YWHAB: variants seen among roughly 807,000 people sequenced by gnomAD.
YWHAB encodes the protein 14-3-3 protein beta/alpha.
In YWHAB, 2 loss-of-function variants were observed where a neutral mutation model predicts 28.5. The ratio of observed to expected loss-of-function variants is 0.07; its 90% CI spans 0.03 to 0.22. The LOEUF (loss-of-function observed/expected upper bound fraction) is 0.22, where lower values mean the gene tolerates loss of function less well. YWHAB is among the 10% of genes least tolerant of loss of function. YWHAB has a pLI of 1.00. For synonymous variants in YWHAB, 103 were observed against 104.7 expected, an observed-to-expected ratio of 0.98 and a Z score of 0.10; for missense variants, 148 against 297.1, an observed-to-expected ratio of 0.50 and a Z score of 3.69.
At chr20:44,896,690 A>G (rs1244455084) in intron 1 of YWHAB, among the ~76,000 whole-genome samples, 1 of 152,254 alleles carries the variant, frequency 6.6e-6, no homozygotes, top group East Asian at 1.9e-4. Context: ...GACTGAAAGC[A>G]TTGCCACTAG....
At chr20:44,905,925 A>C in intron 4 of YWHAB, 76 bp from the exon 5 acceptor site, 3 of 1,101,944 alleles carry the variant, frequency 2.7e-6, no homozygotes, top group Non-Finnish European at 4.1e-6. Context: ...AGTTATATTC[A>C]CCTAGCGGGA....
intron 1 of YWHAB, among the ~76,000 whole-genome samples, chr20:44,893,206 T>G (rs982308988): frequency 6.6e-6 from 1 of 152,132 alleles, no homozygotes; most frequent in African/African-American, 2.4e-5. Flanking sequence ...AGATGTCCCT[T>G]GGGGAAGGAA....
At chr20:44,890,335 AC>A (rs1224753267) in intron 1 of YWHAB, among the ~76,000 whole-genome samples, 8 of 152,166 alleles carry the variant, frequency 5.3e-5, no homozygotes, top group Non-Finnish European at 1.0e-4. Context: ...GACAATAAAA[AC>A]AGTCTGTATT....
At chr20:44,897,342 T>A (rs1290188427) in intron 1 of YWHAB, among the ~76,000 whole-genome samples, 1 of 152,202 alleles carries the variant, frequency 6.6e-6, no homozygotes, top group Non-Finnish European at 1.5e-5. Flanking sequence ...TTTGGAGTAA[T>A]CCACAGGTAG....
intron 4 of YWHAB, 94 bp from the exon 5 acceptor site, chr20:44,905,907 A>T: frequency 1.1e-6 from 1 of 911,130 alleles, no homozygotes; most frequent in Non-Finnish European, 1.8e-6. Flanking sequence ...GTACTGTACA[A>T]GAAGATAAGT....
intron 1 of YWHAB, among the ~76,000 whole-genome samples, chr20:44,900,661 A>T (rs2066620974): frequency 6.6e-6 from 1 of 152,238 alleles, no homozygotes; most frequent in South Asian, 2.1e-4. Context: ...TCAAAACCAG[A>T]GTTGCTTACA....
chr20:44,893,382 A>G (rs185882011), intron 1 of YWHAB, among the ~76,000 whole-genome samples: 1 of 152,176 alleles, frequency 6.6e-6, no homozygotes, highest in African/African-American at 2.4e-5. Context: ...ACAGAAAAAC[A>G]CTTTTTTTCT....
intron 2 of YWHAB, 134 bp downstream of exon 2, chr20:44,901,967 C>G: frequency 9.9e-7 from 1 of 1,010,914 alleles, no homozygotes; most frequent in East Asian, 2.7e-5. Flanking sequence ...GTATTTACAA[C>G]TAATTTTTAA....
In YWHAB at chr20:44,908,097, C is replaced by G. The variant is rs895541334; in HGVS notation, c.*1659C>G. The G allele has an allele frequency of 6.6e-6, 1 of 151,784 alleles. No individual in the cohort carries two copies. Among genetic ancestry groups the G allele is most frequent in the Non-Finnish European group, 1.5e-5 (1 of 67,998 alleles). 9.4% of individuals were successfully genotyped at this position (151,784 alleles called of 1,614,324 possible). A position where few individuals can be genotyped will look rare whatever the true frequency, so the allele number is the denominator to read the frequency against. ...TATTCCACTTAGCTGTAGAGTCCATCTGTTTGTCCATCTGCTGAAATGAGA... is the reference window on the plus strand; with the variant it reads ...TATTCCACTTAGCTGTAGAGTCCATGTGTTTGTCCATCTGCTGAAATGAGA... On this transcript the variant is annotated 3_prime_UTR_variant, in exon 6 of 6. Transcript: ENST00000353703.
intron 1 of YWHAB, chr20:44,887,808 C>T (rs560774132): frequency 3.0e-4 from 45 of 152,334 alleles, no homozygotes; most frequent in African/African-American, 1.0e-3. Context: ...ATGTTAATCT[C>T]TGGTTCTTGG....
At chr20:44,892,607 GATT>G (rs1210159827) in intron 1 of YWHAB, among the ~76,000 whole-genome samples, 1 of 152,010 alleles carries the variant, frequency 6.6e-6, no homozygotes, top group Non-Finnish European at 1.5e-5. Flanking sequence ...ACACACATTG[GATT>G]ATATGTGTTA....
intron 1 of YWHAB, among the ~76,000 whole-genome samples, chr20:44,888,995 G>A (rs931453906): frequency 6.6e-6 from 1 of 152,076 alleles, no homozygotes; most frequent in African/African-American, 2.4e-5. Context: ...CTGCTCTTTC[G>A]GTGTCAACAA....
chr20:44,905,023 A>G lies in YWHAB; in HGVS notation c.480A>G (p.Lys160=). ...AGGAAGCATTTGAAATTAGTAAGAAAGAAATGCAGCCTACACACCCAATTC... is the reference window on the plus strand; with the variant it reads ...AGGAAGCATTTGAAATTAGTAAGAAGGAAATGCAGCCTACACACCCAATTC... The part of the protein sequence containing the change: ...AYQEAFEISK[K]EMQPTHPIRL... The change falls in exon 4 of 6, where the codon AAA becomes AAG. Residue 160 remains lysine, a synonymous_variant. Transcript: ENST00000353703. The G allele has an allele frequency of 6.2e-7, 1 of 1,612,490 alleles. No homozygotes were observed. Among genetic ancestry groups the G allele is most frequent in the Non-Finnish European group, 8.5e-7 (1 of 1,178,774 alleles).
rs141268199 is a variant in YWHAB at position 44,904,025 on chromosome 20, T to C, written c.333T>C (p.Ala111=). 68 of 1,600,932 alleles carry C rather than the reference T, an allele frequency of 4.2e-5. No individual in the cohort carries two copies. Among genetic ancestry groups the C allele is most frequent in the Middle Eastern group, 1.7e-4 (1 of 6,030 alleles). The stretch of plus-strand genomic sequence containing the variant: ...TGGACAAATATCTTATTCCCAATGC[T>C]ACACAACCAGAAAGTAAGGTGTTCT... ...ELLDKYLIPN[A]TQPESKVFYL... Residue 111 remains alanine (A), a synonymous_variant, in exon 3 of 6, where the codon GCT becomes GCC. Coordinates refer to ENST00000353703, the MANE Select transcript of YWHAB (RefSeq NM_139323.4).
intron 1 of YWHAB, among the ~76,000 whole-genome samples, chr20:44,890,230 A>G (rs2066552296): frequency 6.6e-6 from 1 of 152,240 alleles, no homozygotes; most frequent in South Asian, 2.1e-4. Flanking sequence ...GTTTGAATCT[A>G]TAAATACAAT....
intron 1 of YWHAB, among the ~76,000 whole-genome samples, chr20:44,892,892 G>A (rs1299813841): frequency 6.6e-6 from 1 of 152,134 alleles, no homozygotes; most frequent in Non-Finnish European, 1.5e-5. Context: ...GGTAATTCCT[G>A]ACATATAATA....
chr20:44,897,511 G>T (rs2145532055), intron 1 of YWHAB, among the ~76,000 whole-genome samples: 1 of 152,288 alleles, frequency 6.6e-6, no homozygotes, highest in Non-Finnish European at 1.5e-5. Flanking sequence ...ATGAAGTAGG[G>T]TTATTTAATG....
At chr20:44,901,304 C>T (rs550005074) in intron 1 of YWHAB, among the ~76,000 whole-genome samples, 3 of 152,276 alleles carry the variant, frequency 2.0e-5, no homozygotes, top group African/African-American at 7.2e-5. Context: ...CATACCTACT[C>T]TGGGACTGTT....
chr20:44,891,036 T>G (rs1161222589), intron 1 of YWHAB, among the ~76,000 whole-genome samples: 1 of 152,236 alleles, frequency 6.6e-6, no homozygotes, highest in Non-Finnish European at 1.5e-5. Flanking sequence ...TGGAATGTAC[T>G]GTGGTTGCCA....
Sources: allele counts gnomAD v4.1 joint callset (sites outside exome capture counted in the v4.1 genomes callset), GRCh38; gene constraint gnomAD v4.1.1; transcripts MANE v1.5; gene names NCBI Gene and HGNC (gene_info 2026-07-23, HGNC 2026-07-21).